Variants in ADAM10 observed in about 807,000 individuals in gnomAD.
The protein encoded by ADAM10 is disintegrin and metalloproteinase domain-containing protein 10.
In ADAM10, 17 loss-of-function variants were observed where a neutral mutation model predicts 90.1. The ratio of observed to expected loss-of-function variants is 0.19; its 90% confidence interval spans 0.13 to 0.28. The LOEUF (loss-of-function observed/expected upper bound fraction) is 0.28, where lower values mean the gene tolerates loss of function less well. ADAM10 is among the 10% of genes least tolerant of loss of function. The pLI is 1.00. For synonymous variants in ADAM10, 310 were observed against 298.6 expected (o/e 1.04, Z -0.40); for missense variants, 610 against 914.3 (o/e 0.67, Z 4.29).
chr15:58,726,716 C>T (rs1180468856), intron 1 of ADAM10, among the ~76,000 whole-genome samples: 1 of 151,220 alleles, frequency 6.6e-6, no homozygotes, highest in Non-Finnish European at 1.5e-5. Context: ...AGTAAATGAT[C>T]CAGCTGAGTA....
At chr15:58,657,389 C>G (rs1414639981) in intron 5 of ADAM10, among the ~76,000 whole-genome samples, 1 of 151,864 alleles carries the variant, frequency 6.6e-6, no homozygotes, top group Non-Finnish European at 1.5e-5. Flanking sequence ...TAGAGTATTC[C>G]TTTTCTGTCT....
At chr15:58,738,377 C>A (rs955032106) in intron 1 of ADAM10, among the ~76,000 whole-genome samples, 1 of 152,184 alleles carries the variant, frequency 6.6e-6, no homozygotes, top group Non-Finnish European at 1.5e-5. Flanking sequence ...GCCCTATATT[C>A]CAGCAATATA....
intron 4 of ADAM10, among the ~76,000 whole-genome samples, chr15:58,676,923 G>A (rs1194739641): frequency 1.3e-5 from 2 of 152,194 alleles, no homozygotes; most frequent in African/African-American, 4.8e-5. Context: ...GAGCTGAGTA[G>A]CTGCAATAAA....
At chr15:58,599,818 G>T in intron 14 of ADAM10, 94 bp from the exon 15 acceptor site, 1 of 1,258,126 alleles carries the variant, frequency 7.9e-7, no homozygotes, top group Non-Finnish European at 1.1e-6. Flanking sequence ...ATAGAACACA[G>T]TATATTGTAA....
At chr15:58,714,177 A>T (rs1252285789) in intron 2 of ADAM10, among the ~76,000 whole-genome samples, 3 of 152,270 alleles carry the variant, frequency 2.0e-5, no homozygotes, top group African/African-American at 7.2e-5. Context: ...ACATCTGTAA[A>T]CATGGCATAT....
chr15:58,671,144 C>CA (rs1287674467), intron 4 of ADAM10, among the ~76,000 whole-genome samples: 1 of 151,840 alleles, frequency 6.6e-6, no homozygotes, highest in African/African-American at 2.4e-5. Context: ...CAAATTAAAC[C>CA]AAAAAACAGT....
chr15:58,693,182 A>C, intron 2 of ADAM10: 2 of 713,994 alleles, frequency 2.8e-6, no homozygotes, highest in East Asian at 5.4e-5. Context: ...TCTCCATGGT[A>C]CACCTCTGCA....
chr15:58,606,385 C>A (rs1566964872), intron 14 of ADAM10, among the ~76,000 whole-genome samples: 1 of 152,164 alleles, frequency 6.6e-6, no homozygotes, highest in African/African-American at 2.4e-5. Context: ...AGATAAAATA[C>A]CACTAACAGG....
intron 8 of ADAM10, among the ~76,000 whole-genome samples, chr15:58,640,518 C>G (rs1297772370): frequency 1.3e-5 from 2 of 152,004 alleles, no homozygotes; most frequent in Non-Finnish European, 2.9e-5. Flanking sequence ...ACCACTTTTT[C>G]TCATAAAATT....
At chr15:58,600,964 A>T (rs1895091278) in intron 14 of ADAM10, among the ~76,000 whole-genome samples, 2 of 152,200 alleles carry the variant, frequency 1.3e-5, no homozygotes, top group African/African-American at 2.4e-5. Context: ...AGCAGTGTTT[A>T]TATAATTAAA....
chr15:58,653,631 A>G (rs1166693045), intron 5 of ADAM10, among the ~76,000 whole-genome samples: 1 of 152,068 alleles, frequency 6.6e-6, no homozygotes, highest in African/African-American at 2.4e-5. Flanking sequence ...TTTTGTTGAT[A>G]ATTTTTCTAC....
chr15:58,693,151 G>A (rs1483406219), intron 2 of ADAM10: 2 of 732,898 alleles, frequency 2.7e-6, no homozygotes. Context: ...TGCCTAAAAG[G>A]CAAAAGTCGC....
chr15:58,626,013 T>C (rs1366241174), intron 10 of ADAM10, among the ~76,000 whole-genome samples: 1 of 151,924 alleles, frequency 6.6e-6, no homozygotes, highest in Non-Finnish European at 1.5e-5. Flanking sequence ...AGAAGGGAGG[T>C]AAGCATGGTT....
At chr15:58,679,358 ATG>A in intron 3 of ADAM10, 76 bp from the exon 4 acceptor site, 1 of 1,277,210 alleles carries the variant, frequency 7.8e-7, no homozygotes, top group South Asian at 1.2e-5. Flanking sequence ...ATATGTATAT[ATG>A]TGTGTATATA....
chr15:58,716,356 C>A (rs1898658586), intron 2 of ADAM10, among the ~76,000 whole-genome samples: 1 of 152,056 alleles, frequency 6.6e-6, no homozygotes, highest in South Asian at 2.1e-4. Context: ...AGGAAGAGGG[C>A]ACAAATGATG....
chr15:58,655,543 C>G (rs1268446058), intron 5 of ADAM10: 1 of 150,878 alleles, frequency 6.6e-6, no homozygotes, highest in African/African-American at 2.4e-5. Context: ...GGTCCCACCT[C>G]CAGCACTGAG....
intron 2 of ADAM10, among the ~76,000 whole-genome samples, chr15:58,702,044 T>G (rs2140791679): frequency 6.6e-6 from 1 of 151,952 alleles, no homozygotes; most frequent in African/African-American, 2.4e-5. Context: ...AGGCGGAGGT[T>G]GCAGTGAGCC....
intron 5 of ADAM10, among the ~76,000 whole-genome samples, chr15:58,647,737 A>C (rs1322346542): frequency 2.0e-5 from 3 of 152,088 alleles, no homozygotes; most frequent in Non-Finnish European, 4.4e-5. Context: ...TTTTTTGTAG[A>C]GACGGAGGTC....
At chr15:58,743,694 T>A (rs1385976963) in intron 1 of ADAM10, among the ~76,000 whole-genome samples, 1 of 151,422 alleles carries the variant, frequency 6.6e-6, no homozygotes, top group Non-Finnish European at 1.5e-5. Context: ...AACCTCCACC[T>A]CCCGGGTTCA....
Sources: allele counts gnomAD v4.1 joint callset (sites outside exome capture counted in the v4.1 genomes callset), GRCh38; gene constraint gnomAD v4.1.1; transcripts MANE v1.5; gene names NCBI Gene and HGNC (gene_info 2026-07-23, HGNC 2026-07-21).